ERG: variants seen among roughly 807,000 people sequenced by gnomAD.
The protein encoded by ERG is transcriptional regulator ERG.
ERG carries 9 observed loss-of-function variants against 55.3 expected under a neutral mutation model. That is an observed-to-expected ratio of 0.16 (90% CI 0.10 to 0.28). The LOEUF (loss-of-function observed/expected upper bound fraction) is 0.28, where lower values mean the gene tolerates loss of function less well. ERG is among the 10% of genes least tolerant of loss of function. The probability of loss-of-function intolerance (pLI) is 1.00; values close to 1 mark genes in which losing one functional copy is unlikely to be tolerated. For missense variants in ERG, 434 were observed against 631.6 expected (o/e 0.69, Z 3.35); for synonymous variants, 223 against 237.3 (o/e 0.94, Z 0.55).
At chr21:38,446,070 T>A (rs2058888911) in intron 1 of ERG, among the ~76,000 whole-genome samples, 1 of 151,722 alleles carries the variant, frequency 6.6e-6, no homozygotes, top group South Asian at 2.1e-4. Flanking sequence ...TTCCTGGGGA[T>A]TTTGCGGAAG....
intron 2 of ERG, among the ~76,000 whole-genome samples, chr21:38,437,112 C>T (rs781653124): frequency 1.6e-4 from 24 of 152,126 alleles, no homozygotes; most frequent in Non-Finnish European, 3.1e-4. Context: ...TGGTCTTGAA[C>T]TCCTGACCTC....
At chr21:38,573,829 C>T (rs1444428588) in intron 2 of ERG, among the ~76,000 whole-genome samples, 2 of 152,186 alleles carry the variant, frequency 1.3e-5, no homozygotes, top group Non-Finnish European at 1.5e-5. Context: ...CTCAGTCTCT[C>T]GTCCCACCTG....
downstream of ERG, among the ~76,000 whole-genome samples, chr21:38,379,049 T>C (rs1987317116): frequency 6.6e-6 from 1 of 152,222 alleles, no homozygotes; most frequent in Non-Finnish European, 1.5e-5. Context: ...TCCAAAACGC[T>C]GAAGTCTTTT....
chr21:38,605,249 T>C (rs2060189649), intron 1 of ERG, among the ~76,000 whole-genome samples: 1 of 152,264 alleles, frequency 6.6e-6, no homozygotes, highest in East Asian at 1.9e-4. Context: ...ACAGTAACCA[T>C]TGTCACGGGG....
At chr21:38,526,343 C>T (rs2059630373) in intron 2 of ERG, among the ~76,000 whole-genome samples, 1 of 152,134 alleles carries the variant, frequency 6.6e-6, no homozygotes, top group African/African-American at 2.4e-5. Context: ...TATACTAAAT[C>T]AATTAAATGT....
Position 38,498,248 on chromosome 21 carries a change from T to C in ERG, c.18+115A>G, listed in dbSNP as rs2146692770. The C allele has an allele frequency of 1.2e-6, 1 of 861,144 alleles. No homozygotes were observed. Among genetic ancestry groups the C allele is most frequent in the East Asian group, 2.5e-5 (1 of 40,720 alleles). The allele number at this position is 861,144 out of a possible 1,614,324, so 53.3% of individuals were successfully genotyped here. On this transcript the variant is annotated intron_variant, in intron 1 of 9. Transcript: ENST00000288319. This position sits in a 1 kb window ranked among gnomAD's most constrained non-coding sequence, Gnocchi z 4.6. ...GTGCAAAGGAAATCTTGTTGTCCTC[T>C]ATTGTGGCAGTGGGGGTGTTGCCCA... is the stretch of plus-strand genomic sequence containing the variant.
At chr21:38,420,451 G>A (rs1417860891) in intron 3 of ERG, among the ~76,000 whole-genome samples, 1 of 152,172 alleles carries the variant, frequency 6.6e-6, no homozygotes, top group Non-Finnish European at 1.5e-5. Flanking sequence ...CTACACTGGC[G>A]TGAAGCAACT....
chr21:38,592,191 T>A (rs2146896041), intron 1 of ERG, among the ~76,000 whole-genome samples: 1 of 152,314 alleles, frequency 6.6e-6, no homozygotes, highest in Admixed American at 6.5e-5. Context: ...ATTTCCATCA[T>A]GGGCAACTGC....
chr21:38,527,260 G>C (rs1282495560), intron 2 of ERG, among the ~76,000 whole-genome samples: 2 of 152,194 alleles, frequency 1.3e-5, no homozygotes, highest in African/African-American at 4.8e-5. Flanking sequence ...AGTCCTTGAA[G>C]GCCAGCGCTA....
At chr21:38,586,232 T>C (rs1036780242), upstream of ERG, among the ~76,000 whole-genome samples, 44 of 87,560 alleles carry the variant, frequency 5.0e-4, 1 homozygote, top group South Asian at 0.015. Context: ...TATATATATA[T>C]ATACATGTTG....
intron 1 of ERG, among the ~76,000 whole-genome samples, chr21:38,476,774 C>T (rs2059191962): frequency 2.6e-5 from 4 of 152,036 alleles, no homozygotes. Flanking sequence ...AGATGTGCAC[C>T]AACAACAACG....
At chr21:38,490,971 C>T (rs558135192) in intron 1 of ERG, among the ~76,000 whole-genome samples, 1 of 152,278 alleles carries the variant, frequency 6.6e-6, no homozygotes, top group South Asian at 2.1e-4. Context: ...TGGATTCAAC[C>T]TTCATGTTTT....
At chr21:38,456,056 G>T (rs933906298) in intron 1 of ERG, among the ~76,000 whole-genome samples, 8 of 152,146 alleles carry the variant, frequency 5.3e-5, no homozygotes, top group Non-Finnish European at 7.4e-5. Flanking sequence ...GTCTACTGAT[G>T]TTTTCTAAGA....
In ERG at chr21:38,446,090, G is replaced by A. The variant is rs184304574; in HGVS notation, c.19-469C>T. On this transcript the variant is annotated intron_variant, in intron 1 of 9. Coordinates refer to ENST00000288319, the MANE Select transcript of ERG (RefSeq NM_182918.4). ...GGGGATTTTGCGGAAGAGGGACTTA[G>A]AGGAAGACAGAGGGATCAATGGAGC... is the stretch of plus-strand genomic sequence containing the variant. Among the ~76,000 whole-genome samples the A allele has an allele frequency of 5.1e-3, 782 of 152,138 alleles. 12 individuals are homozygous for A. The highest frequency in any genetic ancestry group is 0.035 in the South Asian group (170 of 4,810).
chr21:38,619,020 C>T (rs539529964), intron 1 of ERG, among the ~76,000 whole-genome samples: 3 of 152,282 alleles, frequency 2.0e-5, no homozygotes, highest in African/African-American at 7.2e-5. Context: ...CATGCAAAGC[C>T]GGGTTCAGTG....
chr21:38,588,872 T>G (rs894749210), upstream of ERG, among the ~76,000 whole-genome samples: 1 of 147,902 alleles, frequency 6.8e-6, no homozygotes, highest in Non-Finnish European at 1.5e-5. Context: ...AAAAGAGTCA[T>G]GCACCACCAT....
At chr21:38,458,842 T>A (rs2059014856) in intron 1 of ERG, among the ~76,000 whole-genome samples, 1 of 152,224 alleles carries the variant, frequency 6.6e-6, no homozygotes, top group Admixed American at 6.5e-5. Context: ...AACCTTGCCG[T>A]CTGGTTCTGA....
chr21:38,615,547 A>G (rs765053894), intron 1 of ERG, among the ~76,000 whole-genome samples: 5 of 151,570 alleles, frequency 3.3e-5, no homozygotes, highest in Admixed American at 6.6e-5. Flanking sequence ...TGGCTCTGAC[A>G]TGTACTAGTT....
At chr21:38,529,208 T>A (rs1019715116) in intron 2 of ERG, among the ~76,000 whole-genome samples, 2 of 152,170 alleles carry the variant, frequency 1.3e-5, no homozygotes, top group South Asian at 4.1e-4. Flanking sequence ...ATAAATCTCA[T>A]CTGATCTGTA....
Sources: gnomAD v4.1 joint callset for allele counts (sites outside exome capture counted in the v4.1 genomes callset) on GRCh38, gnomAD v4.1.1 for gene constraint, Gnocchi (gnomAD v3.1) non-coding constraint, MANE v1.5 for transcripts, NCBI Gene and HGNC (gene_info 2026-07-23, HGNC 2026-07-21) for gene names.